Variants in ATAD5 observed in about 807,000 individuals in gnomAD.
ATAD5 encodes ATPase family AAA domain containing 5.
Under a neutral mutation model 176.9 loss-of-function variants are expected in ATAD5, and 58 were observed. The observed-to-expected ratio is 0.33, with a 90% CI of 0.27 to 0.41. ATAD5 has a LOEUF of 0.41. Ranked by LOEUF, ATAD5 falls within the 10% of genes least tolerant of loss-of-function variation. The pLI is 1.00. For missense variants in ATAD5, 1,789 were observed against 2,094.1 expected, an observed-to-expected ratio of 0.85 and a Z score of 2.84; for synonymous variants, 640 against 712.6, an observed-to-expected ratio of 0.90 and a Z score of 1.62.
At chr17:30,887,495 T>G in intron 19 of ATAD5, 123 bp downstream of exon 19, 2 of 723,734 alleles carry the variant, frequency 2.8e-6, no homozygotes, top group Non-Finnish European at 4.5e-6. Context: ...GGTGGGAGGA[T>G]CTCTTGAGGC....
intron 20 of ATAD5, 119 bp from the exon 21 acceptor site, chr17:30,893,175 G>A (rs1909725908): frequency 9.9e-7 from 1 of 1,007,146 alleles, no homozygotes; most frequent in East Asian, 2.7e-5. Context: ...ATAAAATTAT[G>A]AGGGGTAGTG....
rs765526841 is a variant in ATAD5, at chr17:30,877,601, T to TAA, written c.3918+54_3918+55dup. ...GAGAGCTCATGATAAAGACTTACTT[T>TAA]AAAGAATACTGTATGTTTTCTTATA... On this transcript the variant is annotated intron_variant, in intron 16 of 22. Coordinates refer to ENST00000321990, the MANE Select transcript of ATAD5 (RefSeq NM_024857.5). The TAA allele has an allele frequency of 4.0e-5, 61 of 1,513,046 alleles. 1 individual carries two copies. The South Asian group carries it at 7.2e-4, about 18-fold the overall frequency. The allele number at this position is 1,513,046 out of a possible 1,614,324, so 93.7% of individuals were successfully genotyped here. A position where few individuals can be genotyped will look rare whatever the true frequency, so the allele number is the denominator to read the frequency against.
chr17:30,878,734 T>G (rs1340270266), intron 17 of ATAD5, among the ~76,000 whole-genome samples: 2 of 128,782 alleles, frequency 1.6e-5, no homozygotes, highest in African/African-American at 6.0e-5. Context: ...TTTTTTTTTT[T>G]TTTTTTTTTT....
intron 6 of ATAD5, among the ~76,000 whole-genome samples, chr17:30,851,322 CCAT>C (rs1292844920): frequency 6.8e-4 from 102 of 150,602 alleles, no homozygotes; most frequent in Non-Finnish European, 2.4e-4. Context: ...TGGTGAAACC[CCAT>C]CTCTACTAAA....
rs771172016 is a variant in ATAD5 at position 30,868,358 on chromosome 17, G to A, written c.3259G>A (p.Ala1087Thr). 5.1e-6 allele frequency: 8 copies of A among 1,581,742 alleles called. No individual in the cohort carries two copies. In the Admixed American group the frequency reaches 9.4e-5, roughly 19 times the overall value. The part of the protein sequence containing the change: ...HSWLKDWKRR[A>T]ELEERQNLKG... ...TTGGTTGAAAGACTGGAAAAGAAGA[G>A]CTGAATTGGAAGAAAGGCAGAATCT... Residue 1087 changes from alanine to threonine, a missense_variant, in exon 12 of 23, where the codon GCT (alanine) becomes ACT (threonine). Physicochemically the swap from Ala to Thr is moderately conservative, Grantham distance 58. Coordinates refer to ENST00000321990, the MANE Select transcript of ATAD5 (RefSeq NM_024857.5).
chr17:30,890,186 G>C lies in ATAD5; in HGVS notation c.4259-2421G>C, dbSNP rs143805024. ...TTATAGGCATGAGCCACCTCACCCAGCTTCATATTATTCTTTTTCAAAGTA... is the reference window on the plus strand; with the variant it reads ...TTATAGGCATGAGCCACCTCACCCACCTTCATATTATTCTTTTTCAAAGTA... On this transcript the variant is annotated intron_variant, in intron 19 of 22. Transcript: ENST00000321990. 6.4e-3 allele frequency among the ~76,000 whole-genome samples: 976 copies of C among 151,900 alleles called. 7 individuals are homozygous for C. The highest frequency in any genetic ancestry group is 0.022 in the African/African-American group (930 of 41,496).
chr17:30,856,047 C>T (rs1028018119), intron 7 of ATAD5, among the ~76,000 whole-genome samples: 2 of 152,116 alleles, frequency 1.3e-5, no homozygotes, highest in African/African-American at 4.8e-5. Flanking sequence ...GTATGTTCAA[C>T]TGTAGAAATT....
In ATAD5 at chr17:30,835,820, A is replaced by C. The variant is rs1474485164; in HGVS notation, c.1739A>C (p.Glu580Ala). 2 of 1,613,208 alleles carry C rather than the reference A, an allele frequency of 1.2e-6. No individual in the cohort carries two copies. Among genetic ancestry groups the C allele is most frequent in the Admixed American group, 3.3e-5 (2 of 59,806 alleles). Reference sequence around the variant, plus strand: ...ATTAAGCTTACACAGTCTAAAGCTGAATCTGAAGCCAGCTTGCTAAATGTT... The same window carrying C: ...ATTAAGCTTACACAGTCTAAAGCTGCATCTGAAGCCAGCTTGCTAAATGTT... ...KDIKLTQSKA[E>A]SEASLLNVST... Residue 580 changes from glutamate (E) to alanine (A), a missense_variant, in exon 2 of 23, where the codon GAA becomes GCA. By Grantham distance (107) the Glu-to-Ala change is moderately radical. Coordinates refer to ENST00000321990, the MANE Select transcript of ATAD5 (RefSeq NM_024857.5).
intron 10 of ATAD5, among the ~76,000 whole-genome samples, chr17:30,865,452 G>A (rs1597978792): frequency 6.6e-6 from 1 of 152,178 alleles, no homozygotes; most frequent in East Asian, 1.9e-4. Flanking sequence ...GATTACAGGC[G>A]TGAACCACCG....
chr17:30,850,921 G>C (rs1447310347), intron 6 of ATAD5, among the ~76,000 whole-genome samples: 1 of 88,912 alleles, frequency 1.1e-5, no homozygotes. Flanking sequence ...GTCTTGCTCT[G>C]TCAGCCAGGC....
chr17:30,893,918 T>C lies in ATAD5; in HGVS notation c.5065T>C (p.Cys1689Arg). The change falls in exon 21 of 23, where the codon TGT becomes CGT. Residue 1689 changes from cysteine (C) to arginine (R), a missense_variant. Physicochemically the swap from Cys to Arg is radical, Grantham distance 180. Transcript: ENST00000321990. ...AAATGGAAAGGTTACAAGTGGACTT[T>C]GTGATGAGTTTAGTCTTGAGAGTAA... ...WTNGKVTSGL[C>R]DEFSLESNDG... 4 of 1,614,074 alleles carry C rather than the reference T, an allele frequency of 2.5e-6. No individual in the cohort carries two copies. Among genetic ancestry groups the C allele is most frequent in the East Asian group, 2.2e-5 (1 of 44,874 alleles).
chr17:30,887,037 C>T (rs1909361235), intron 18 of ATAD5, among the ~76,000 whole-genome samples, 155 bp from the exon 19 acceptor site: 1 of 152,078 alleles, frequency 6.6e-6, no homozygotes, highest in Non-Finnish European at 1.5e-5. Context: ...GGTATATTCC[C>T]TTATATTTTT....
chr17:30,877,856 A>T, intron 16 of ATAD5, 147 bp from the exon 17 acceptor site: 1 of 636,558 alleles, frequency 1.6e-6, no homozygotes, highest in Non-Finnish European at 2.6e-6. Context: ...AATTCATTAT[A>T]GTGTATGACA....
chr17:30,873,028 G>T (rs1239700403), intron 14 of ATAD5, among the ~76,000 whole-genome samples: 1 of 149,664 alleles, frequency 6.7e-6, no homozygotes, highest in African/African-American at 2.4e-5. Flanking sequence ...GTCTTGAAAA[G>T]TGTTATTTCA....
At chr17:30,852,051 T>A (rs914027778) in intron 6 of ATAD5, among the ~76,000 whole-genome samples, 1 of 152,220 alleles carries the variant, frequency 6.6e-6, no homozygotes, top group African/African-American at 2.4e-5. Flanking sequence ...TCCAATGGAA[T>A]TAACCACATG....
At chr17:30,840,410 G>A (rs539033575) in intron 3 of ATAD5, among the ~76,000 whole-genome samples, 1 of 152,096 alleles carries the variant, frequency 6.6e-6, no homozygotes. Context: ...TTGCTCACAT[G>A]TAAATATATT....
chr17:30,832,368 G>T lies in ATAD5; in HGVS notation c.21G>T (p.Met7Ile). The T allele has an allele frequency of 6.4e-7, 1 of 1,565,748 alleles. No individual in the cohort carries two copies. Among genetic ancestry groups the T allele is most frequent in the South Asian group, 1.2e-5 (1 of 84,970 alleles). ...GGAGTATGGTGGGGGTCCTGGCCAT[G>T]GCGGCTGCAGCTGCTCCGCCTCCCG... MVGVLA[M>I]AAAAAPPPVK... The change falls in exon 1 of 23, where the codon ATG (methionine) becomes ATT (isoleucine). Residue 7 changes from methionine to isoleucine, a missense_variant. Physicochemically the swap from Met to Ile is conservative, Grantham distance 10. This residue lies in a region of ATAD5 where 696 missense variants were observed against 712.5 expected (regional missense o/e 0.98). Coordinates refer to ENST00000321990, the MANE Select transcript of ATAD5 (RefSeq NM_024857.5).
chr17:30,879,385 T>C (rs1193121216), intron 17 of ATAD5, 38 bp from the exon 18 acceptor site: 3 of 1,591,168 alleles, frequency 1.9e-6, no homozygotes, highest in Admixed American at 3.5e-5. Context: ...TCTTAGTGTT[T>C]AAGAATTTTT....
At chr17:30,891,373 AATTATT>A (rs1221192000) in intron 19 of ATAD5, among the ~76,000 whole-genome samples, 1 of 151,958 alleles carries the variant, frequency 6.6e-6, no homozygotes, top group Non-Finnish European at 1.5e-5. Flanking sequence ...AGGTCTTTGA[AATTATT>A]ATTATTATTT....
Sources: allele counts gnomAD v4.1 joint callset (sites outside exome capture counted in the v4.1 genomes callset), GRCh38; gene constraint gnomAD v4.1.1; regional missense constraint gnomAD v4.1.1; transcripts MANE v1.5; gene names NCBI Gene and HGNC (gene_info 2026-07-23, HGNC 2026-07-21).